Variants in DAPK1 observed in about 807,000 individuals in gnomAD.
The protein encoded by DAPK1 is death-associated protein kinase 1.
DAPK1 carries 56 observed loss-of-function variants against 144.9 expected under a neutral mutation model. The ratio of observed to expected loss-of-function variants is 0.39; its 90% CI spans 0.31 to 0.48. The LOEUF (loss-of-function observed/expected upper bound fraction) is 0.48, where lower values mean the gene tolerates loss of function less well. Among genes scored for constraint, DAPK1 ranks in the 20% least tolerant of loss-of-function variants. DAPK1 has a pLI of 0.95. For synonymous variants in DAPK1, 690 were observed against 749.0 expected (o/e 0.92, Z 1.29); for missense variants, 1,454 against 1,875.4 (o/e 0.78, Z 4.15).
intron 2 of DAPK1, among the ~76,000 whole-genome samples, chr9:87,583,974 A>G (rs891280597): frequency 2.0e-5 from 3 of 152,124 alleles, no homozygotes; most frequent in African/African-American, 7.2e-5. Context: ...CATAATCTCT[A>G]TTTTTATTTA....
chr9:87,698,565 G>T, intron 22 of DAPK1, 91 bp from the exon 23 acceptor site: 1 of 764,996 alleles, frequency 1.3e-6, no homozygotes, highest in Non-Finnish European at 2.3e-6. Flanking sequence ...GTCGGCCTGG[G>T]CATGAGGCCA....
intron 11 of DAPK1, among the ~76,000 whole-genome samples, chr9:87,644,195 CCTTTATTTT>C (rs1226064604): frequency 1.3e-5 from 2 of 152,102 alleles, no homozygotes; most frequent in Non-Finnish European, 2.9e-5. Flanking sequence ...CAATTTCTAG[CCTTTATTTT>C]CTTTATTTTC....
In DAPK1 at chr9:87,707,366, G is replaced by A. The variant is rs1825680327; in HGVS notation, c.*2G>A. On this transcript the variant is annotated 3_prime_UTR_variant, in exon 26 of 26. Coordinates refer to ENST00000408954, the MANE Select transcript of DAPK1 (RefSeq NM_004938.4). This position sits in a 1 kb window ranked among gnomAD's most constrained non-coding sequence, Gnocchi z 4.0. ...ATTAGCTCTGTTGTATCCCGGTGAG[G>A]GCAGCCTCTGGCTTGGGCAGGGTCT... 3 of 1,585,350 alleles carry A rather than the reference G, an allele frequency of 1.9e-6. No homozygotes were observed. The highest frequency in any genetic ancestry group is 2.6e-6 in the Non-Finnish European group (3 of 1,161,748).
At chr9:87,656,034 T>G (rs1047007114) in intron 17 of DAPK1, among the ~76,000 whole-genome samples, 1 of 152,252 alleles carries the variant, frequency 6.6e-6, no homozygotes, top group African/African-American at 2.4e-5. Context: ...ATGTTGTCAT[T>G]GCTGCTGTGA....
At position 87,539,456 on chromosome 9, in the gene DAPK1, G is replaced by A. The variant is rs1157862809; in HGVS notation, c.62+40317G>A. On this transcript the variant is annotated intron_variant, in intron 2 of 25. Coordinates refer to ENST00000408954, the MANE Select transcript of DAPK1 (RefSeq NM_004938.4). ...TTTTTTTTTTTTTTTTTGAGACAGA[G>A]TCTCGCTCTGTCACCCAGGCTGGAG... Among the ~76,000 whole-genome samples, 7 of 119,838 alleles carry A rather than the reference G, an allele frequency of 5.8e-5. 1 individual carries two copies. In the Admixed American group the frequency reaches 6.1e-4, roughly 10 times the overall value. 78.6% of individuals were successfully genotyped at this position (119,838 alleles called of 152,430 possible).
intron 2 of DAPK1, 103 bp downstream of exon 2, chr9:87,499,242 G>C: frequency 1.9e-6 from 2 of 1,039,760 alleles, no homozygotes; most frequent in Non-Finnish European, 2.9e-6. Flanking sequence ...CGTCTCCCTC[G>C]CCCTTTCTGG....
Position 87,707,695 on chromosome 9 carries a change from T to G in DAPK1, c.*331T>G. 1.4e-5 allele frequency: 6 copies of G among 435,038 alleles called. No individual in the cohort carries two copies. The highest frequency in any genetic ancestry group is 5.4e-5 in the East Asian group (1 of 18,674). 26.9% of individuals were successfully genotyped at this position (435,038 alleles called of 1,614,324 possible). On this transcript the variant is annotated 3_prime_UTR_variant, in exon 26 of 26. Coordinates refer to ENST00000408954, the MANE Select transcript of DAPK1 (RefSeq NM_004938.4). This position sits in a 1 kb window ranked among gnomAD's most constrained non-coding sequence, Gnocchi z 4.0. ...TTACTGATAATTTTGCTGGAATTCC[T>G]AACTTTTCAATGACATTTTTTTTAA...
chr9:87,575,892 A>G (rs1827538590), intron 2 of DAPK1, among the ~76,000 whole-genome samples: 1 of 152,252 alleles, frequency 6.6e-6, no homozygotes, highest in African/African-American at 2.4e-5. Context: ...CTGGCAAGGG[A>G]AGTCAAGGGT....
intron 2 of DAPK1, among the ~76,000 whole-genome samples, chr9:87,586,875 A>C (rs1174533636): frequency 6.6e-6 from 1 of 152,256 alleles, no homozygotes; most frequent in Non-Finnish European, 1.5e-5. Flanking sequence ...ACCTCTAAGT[A>C]ACATTGTTTA....
At chr9:87,519,976 A>T (rs1395070072) in intron 2 of DAPK1, among the ~76,000 whole-genome samples, 1 of 151,770 alleles carries the variant, frequency 6.6e-6, no homozygotes, top group Non-Finnish European at 1.5e-5. Context: ...AGTAGTCTGA[A>T]ATGCTGTGAC....
intron 2 of DAPK1, among the ~76,000 whole-genome samples, chr9:87,507,752 T>C (rs576671760): frequency 6.6e-6 from 1 of 152,290 alleles, no homozygotes; most frequent in African/African-American, 2.4e-5. Flanking sequence ...AAAGTTTATA[T>C]TGATGGCACT....
chr9:87,577,340 G>T (rs1447249360), intron 2 of DAPK1, among the ~76,000 whole-genome samples: 1 of 152,186 alleles, frequency 6.6e-6, no homozygotes, highest in Non-Finnish European at 1.5e-5. Context: ...TTGAATGAGT[G>T]CTAACATCTG....
At chr9:87,600,743 A>G (rs1005168621) in intron 2 of DAPK1, among the ~76,000 whole-genome samples, 2 of 152,216 alleles carry the variant, frequency 1.3e-5, no homozygotes, top group East Asian at 1.9e-4. Flanking sequence ...TCCCCCATCC[A>G]TTGAACAGCC....
At chr9:87,569,784 A>G (rs1217684130) in intron 2 of DAPK1, among the ~76,000 whole-genome samples, 1 of 152,206 alleles carries the variant, frequency 6.6e-6, no homozygotes, top group Non-Finnish European at 1.5e-5. Context: ...AGGGTGGTTT[A>G]TAGAAGTGGT....
intron 2 of DAPK1, among the ~76,000 whole-genome samples, chr9:87,503,376 C>T (rs1401537114): frequency 3.9e-5 from 6 of 152,106 alleles, no homozygotes; most frequent in African/African-American, 1.2e-4. Context: ...GCAGTCCTCC[C>T]ACCTTGGCCT....
chr9:87,597,402 C>G (rs1282877950), intron 2 of DAPK1, among the ~76,000 whole-genome samples: 1 of 151,984 alleles, frequency 6.6e-6, no homozygotes, highest in East Asian at 1.9e-4. Flanking sequence ...TTGTTGAGTT[C>G]CAATGGGGGG....
intron 17 of DAPK1, 147 bp from the exon 18 acceptor site, chr9:87,657,882 G>T: frequency 1.5e-6 from 1 of 675,324 alleles, no homozygotes; most frequent in Non-Finnish European, 2.7e-6. Flanking sequence ...GCCTGCCCCA[G>T]TGGAGAGCAA....
At position 87,604,906 on chromosome 9, in the gene DAPK1, C is replaced by G. The variant is rs145257190; in HGVS notation, c.63-48C>G. Reference sequence around the variant, plus strand: ...CACCATGCCACATCCTCACTCAAATCCTGTTTTTTTTATGAACGATAAAGA... The same window carrying G: ...CACCATGCCACATCCTCACTCAAATGCTGTTTTTTTTATGAACGATAAAGA... On this transcript the variant is annotated intron_variant, in intron 2 of 25. Coordinates refer to ENST00000408954, the MANE Select transcript of DAPK1 (RefSeq NM_004938.4). The G allele has an allele frequency of 2.5e-4, 390 of 1,575,894 alleles. 1 individual carries two copies. In the East Asian group the frequency reaches 8.0e-3, roughly 32 times the overall value.
At chr9:87,501,723 A>G (rs1300454481) in intron 2 of DAPK1, among the ~76,000 whole-genome samples, 2 of 152,222 alleles carry the variant, frequency 1.3e-5, no homozygotes, top group Non-Finnish European at 2.9e-5. Flanking sequence ...TTTTAGGAAA[A>G]TTGAAAATGT....
Sources: allele counts gnomAD v4.1 joint callset (sites outside exome capture counted in the v4.1 genomes callset), GRCh38; gene constraint gnomAD v4.1.1; non-coding constraint Gnocchi (gnomAD v3.1); transcripts MANE v1.5; gene names NCBI Gene and HGNC (gene_info 2026-07-23, HGNC 2026-07-21).